The following SLC38A11 variants were observed in gnomAD, a reference collection of about 807,000 sequenced individuals.
SLC38A11 encodes the protein putative sodium-coupled neutral amino acid transporter 11.
A neutral mutation model predicts 49.4 loss-of-function variants in SLC38A11; 51 were observed. That is an observed-to-expected ratio of 1.03 (90% CI 0.83 to 1.30). The LOEUF is 1.30. Ranked by LOEUF, SLC38A11 falls within the 50% of genes most tolerant of loss-of-function variation. The probability of loss-of-function intolerance (pLI) is 0.00; values close to 1 mark genes in which losing one functional copy is unlikely to be tolerated. For synonymous variants in SLC38A11, 203 were observed against 192.9 expected (o/e 1.05, Z -0.43); for missense variants, 574 against 556.2 (o/e 1.03, Z -0.32).
chr2:164,910,863 G>A (rs964202308), intron 10 of SLC38A11, among the ~76,000 whole-genome samples: 1 of 152,026 alleles, frequency 6.6e-6, no homozygotes, highest in Admixed American at 6.6e-5. Context: ...GACAGCATAA[G>A]GGATTCCTGA....
intron 3 of SLC38A11, among the ~76,000 whole-genome samples, chr2:164,946,291 G>A (rs1307626169): frequency 2.6e-5 from 4 of 151,962 alleles, no homozygotes; most frequent in Admixed American, 6.6e-5. Flanking sequence ...ATTTTTGGCC[G>A]GCGCAGTGGC....
At chr2:164,904,648 T>C (rs930157148) in intron 11 of SLC38A11, among the ~76,000 whole-genome samples, 6 of 152,190 alleles carry the variant, frequency 3.9e-5, no homozygotes, top group African/African-American at 9.6e-5. Context: ...ATTTCTAAAT[T>C]ACTACAATTA....
chr2:164,940,228 T>TTA (rs5836006), intron 5 of SLC38A11, among the ~76,000 whole-genome samples: 2,331 of 142,110 alleles, frequency 0.016, 27 homozygotes, highest in African/African-American at 0.035. Flanking sequence ...ATAGAAAATT[T>TTA]TATATATATA....
At chr2:164,911,587 G>A (rs768990792) in intron 10 of SLC38A11, 49 bp downstream of exon 10, 4 of 878,994 alleles carry the variant, frequency 4.6e-6, no homozygotes, top group Non-Finnish European at 6.9e-6. Flanking sequence ...TAAATTAAAT[G>A]TGGCAGAGAG....
intron 9 of SLC38A11, among the ~76,000 whole-genome samples, chr2:164,914,690 A>C (rs1394994876): frequency 6.6e-6 from 1 of 151,918 alleles, no homozygotes; most frequent in Non-Finnish European, 1.5e-5. Context: ...AAGAATAACA[A>C]TGATAATATA....
chr2:164,947,422 G>A (rs58976349), intron 3 of SLC38A11, among the ~76,000 whole-genome samples: 33,060 of 151,850 alleles, frequency 0.22, 3,783 homozygotes, highest in Middle Eastern at 0.36. Context: ...GTAAGCTACC[G>A]CGCCTGGCCT....
In SLC38A11 at chr2:164,915,263, GC is replaced by G; in HGVS notation, c.698del (p.Cys233SerfsTer7). The stretch of plus-strand genomic sequence containing the variant: ...TGTAAACTAAGAAGGAGTTATGGTG[GC>G]AAATAAATGCTGCAATACAAAAAAA... The part of the protein sequence containing the change: ...AVGVMSFAFI[C>X]HHNSFLVYSS... On this transcript the variant is annotated frameshift_variant, in exon 9 of 12. Coordinates refer to ENST00000685975, the MANE Select transcript of SLC38A11 (RefSeq NM_001351537.2). LOFTEE classifies it high-confidence loss of function. 6.3e-7 allele frequency: 1 copy of G among 1,590,172 alleles called. No individual in the cohort carries two copies. Among genetic ancestry groups the G allele is most frequent in the South Asian group, 1.2e-5 (1 of 86,110 alleles).
At chr2:164,913,093 GT>G (rs1186556323) in intron 9 of SLC38A11, among the ~76,000 whole-genome samples, 2 of 151,874 alleles carry the variant, frequency 1.3e-5, no homozygotes, top group South Asian at 2.1e-4. Context: ...CCTCTGTACT[GT>G]TTTTTTCATT....
At chr2:164,900,482 T>A (rs1479306265) in intron 11 of SLC38A11, among the ~76,000 whole-genome samples, 2 of 152,124 alleles carry the variant, frequency 1.3e-5, no homozygotes, top group African/African-American at 4.8e-5. Context: ...GTCTTTTTGA[T>A]CATAGCCATC....
intron 11 of SLC38A11, among the ~76,000 whole-genome samples, chr2:164,906,214 A>G (rs1684996834): frequency 6.6e-6 from 1 of 152,218 alleles, no homozygotes; most frequent in South Asian, 2.1e-4. Context: ...TGTGGACTCA[A>G]ACAAGATATT....
Position 164,955,307 on chromosome 2 carries a change from G to A in SLC38A11, c.-60C>T, listed in dbSNP as rs1218279589. 1.4e-6 allele frequency: 2 copies of A among 1,466,702 alleles called. No individual in the cohort carries two copies. The highest frequency in any genetic ancestry group is 3.9e-5 in the Admixed American group (2 of 50,842). The allele number at this position is 1,466,702 out of a possible 1,614,324, so 90.9% of individuals were successfully genotyped here. A position where few individuals can be genotyped will look rare whatever the true frequency, so the allele number is the denominator to read the frequency against. On this transcript the variant is annotated 5_prime_UTR_variant, in exon 1 of 12. Coordinates refer to ENST00000685975, the MANE Select transcript of SLC38A11 (RefSeq NM_001351537.2). ...TGGGGCTGGGTACGGATTCGCACCCGGCCAGCCTCCTCCGCCACCTCGCAC... is the reference window on the plus strand; with the variant it reads ...TGGGGCTGGGTACGGATTCGCACCCAGCCAGCCTCCTCCGCCACCTCGCAC...
chr2:164,897,237 A>C lies in SLC38A11; in HGVS notation c.*1200T>G, dbSNP rs934754727. On this transcript the variant is annotated 3_prime_UTR_variant, in exon 12 of 12. Coordinates refer to ENST00000685975, the MANE Select transcript of SLC38A11 (RefSeq NM_001351537.2). ...TAAGGAAGCATGTGGTGACAAAGCT[A>C]TCAGTAGACCACCTCGAGCTCTCAG... 1 of 152,152 alleles carries C rather than the reference A, an allele frequency of 6.6e-6. No homozygotes were observed. The highest frequency in any genetic ancestry group is 1.5e-5 in the Non-Finnish European group (1 of 68,036). 9.4% of individuals were successfully genotyped at this position (152,152 alleles called of 1,614,324 possible).
intron 7 of SLC38A11, among the ~76,000 whole-genome samples, chr2:164,919,001 T>C (rs1382712889): frequency 1.3e-5 from 2 of 152,034 alleles, no homozygotes; most frequent in Non-Finnish European, 2.9e-5. Context: ...AATTTTTAAA[T>C]TCAAATAATA....
rs748880396 is a variant in SLC38A11, at chr2:164,952,744, C to T, written c.192G>A (p.Leu64=). ...AAACCCAGAATAAAAGCAATATTCC[C>T]AAAGGAAACCCAGCTTGCTTCATTG... is the stretch of plus-strand genomic sequence containing the variant. ...PYSMKQAGFP[L]GILLLFWVSY... The change falls in exon 3 of 12, where the codon TTG becomes TTA. Residue 64 remains leucine, a synonymous_variant. Transcript: ENST00000685975. 1 of 1,607,228 alleles carries T rather than the reference C, an allele frequency of 6.2e-7. No homozygotes were observed. Among genetic ancestry groups the T allele is most frequent in the Non-Finnish European group, 8.5e-7 (1 of 1,178,434 alleles).
intron 7 of SLC38A11, among the ~76,000 whole-genome samples, chr2:164,922,515 A>G (rs1686279121): frequency 6.6e-6 from 1 of 152,208 alleles, no homozygotes; most frequent in Non-Finnish European, 1.5e-5. Flanking sequence ...ACATTAATAT[A>G]TAAAGCTGCT....
At chr2:164,924,659 G>T (rs189470284) in intron 7 of SLC38A11, among the ~76,000 whole-genome samples, 139 of 151,984 alleles carry the variant, frequency 9.1e-4, no homozygotes, top group African/African-American at 3.2e-3. Context: ...TTATTAAAAA[G>T]CTGATTTCTA....
At chr2:164,945,848 G>T in intron 3 of SLC38A11, 121 bp from the exon 4 acceptor site, 2 of 1,050,052 alleles carry the variant, frequency 1.9e-6, no homozygotes, top group Non-Finnish European at 2.8e-6. Context: ...TAATGCTGCA[G>T]TATTAGCAGA....
At position 164,949,987 on chromosome 2, in the gene SLC38A11, T is replaced by C. The variant is rs569281126; in HGVS notation, c.229+2720A>G. 3 of 152,286 alleles carry C rather than the reference T, an allele frequency of 2.0e-5. 1 individual carries two copies. The highest frequency in any genetic ancestry group is 4.8e-5 in the African/African-American group (2 of 41,556). 9.4% of individuals were successfully genotyped at this position (152,286 alleles called of 1,614,324 possible). The stretch of plus-strand genomic sequence containing the variant: ...TTATAGAGTTCAGGCTGAAGTTTTA[T>C]AAAAATAACTTGCAGCAGCATGGAG... On this transcript the variant is annotated intron_variant, in intron 3 of 11. Coordinates refer to ENST00000685975, the MANE Select transcript of SLC38A11 (RefSeq NM_001351537.2).
intron 5 of SLC38A11, among the ~76,000 whole-genome samples, chr2:164,940,896 A>G (rs1337247375): frequency 6.6e-6 from 1 of 152,034 alleles, no homozygotes; most frequent in African/African-American, 2.4e-5. Context: ...CAGGAAAATC[A>G]ATTCCAAAAT....
Sources: allele counts gnomAD v4.1 joint callset (sites outside exome capture counted in the v4.1 genomes callset), GRCh38; gene constraint gnomAD v4.1.1; transcripts MANE v1.5; gene names NCBI Gene and HGNC (gene_info 2026-07-23, HGNC 2026-07-21).